THADA: variants seen among roughly 807,000 people sequenced by gnomAD.
THADA encodes the protein tRNA (32-2'-O)-methyltransferase regulator THADA.
A neutral mutation model predicts 219.8 loss-of-function variants in THADA; 213 were observed. That is an observed-to-expected ratio of 0.97 (90% CI 0.87 to 1.09). The LOEUF (loss-of-function observed/expected upper bound fraction) is 1.09. Among genes scored for constraint, THADA ranks in the 50% least tolerant of loss-of-function variants. The pLI is 0.00. For synonymous variants in THADA, 1,018 were observed against 828.9 expected, an observed-to-expected ratio of 1.23 and a Z score of -3.92; for missense variants, 2,956 against 2,311.3, an observed-to-expected ratio of 1.28 and a Z score of -5.72.
intron 22 of THADA, among the ~76,000 whole-genome samples, chr2:43,520,900 A>AAAAG (rs1692343743): frequency 7.2e-6 from 1 of 139,148 alleles, no homozygotes; most frequent in Non-Finnish European, 1.6e-5. Flanking sequence ...AAATTCTTAA[A>AAAAG]GAAGGAGGGA....
intron 36 of THADA, among the ~76,000 whole-genome samples, chr2:43,262,750 C>A (rs1009125898): frequency 2.6e-5 from 4 of 152,288 alleles, no homozygotes; most frequent in African/African-American, 9.6e-5. Context: ...AACATTAGGA[C>A]CTTGCTACTC....
chr2:43,581,419 T>G (rs1700427600), intron 8 of THADA, among the ~76,000 whole-genome samples: 1 of 151,682 alleles, frequency 6.6e-6, no homozygotes, highest in Non-Finnish European at 1.5e-5. Flanking sequence ...TAATCCCAGC[T>G]ACTCAGAAGC....
rs1256972360 is a variant in THADA at position 43,369,511 on chromosome 2, T to C, written c.4228-25274A>G. On this transcript the variant is annotated intron_variant, in intron 29 of 37. Coordinates refer to ENST00000405975, the MANE Select transcript of THADA (RefSeq NM_022065.5). ...TCTAAAAACAATAACTTATCTCTTA[T>C]ATTAACTAGGTTTTGTACATTACGT... Among the ~76,000 whole-genome samples the C allele has an allele frequency of 5.9e-5, 9 of 152,348 alleles. No homozygotes were observed. In the East Asian group the frequency reaches 1.2e-3, roughly 20 times the overall value.
At position 43,582,387 on chromosome 2, in the gene THADA, C is replaced by T. The variant is rs1700551384; in HGVS notation, c.534-459G>A. ...TGGCACATGCCCGTAATCCCAGCTACTCAGGGGGCTGAGGCAGGAGAATCG... is the reference window on the plus strand; with the variant it reads ...TGGCACATGCCCGTAATCCCAGCTATTCAGGGGGCTGAGGCAGGAGAATCG... On this transcript the variant is annotated intron_variant, in intron 7 of 37. Transcript: ENST00000405975. Among the ~76,000 whole-genome samples, 4 of 151,656 alleles carry T rather than the reference C, an allele frequency of 2.6e-5. No individual in the cohort carries two copies. The South Asian group carries it at 6.3e-4, about 24-fold the overall frequency.
intron 26 of THADA, among the ~76,000 whole-genome samples, chr2:43,465,446 T>C (rs1684122368): frequency 6.6e-6 from 1 of 152,202 alleles, no homozygotes; most frequent in African/African-American, 2.4e-5. Context: ...GAGCGTGGGT[T>C]AAGTGCCTCC....
chr2:43,555,396 GTATATA>G (rs371073432), intron 17 of THADA, among the ~76,000 whole-genome samples: 2 of 148,554 alleles, frequency 1.3e-5, no homozygotes, highest in Non-Finnish European at 3.0e-5. Context: ...TATATTACAT[GTATATA>G]TATATATATG....
At chr2:43,418,799 C>T (rs371210067) in intron 28 of THADA, among the ~76,000 whole-genome samples, 112 of 152,154 alleles carry the variant, frequency 7.4e-4, no homozygotes, top group Non-Finnish European at 1.3e-3. Context: ...ATAGAAATAA[C>T]GGCCAGAGAA....
intron 30 of THADA, 91 bp from the exon 31 acceptor site, chr2:43,320,631 T>C: frequency 1.0e-5 from 9 of 861,476 alleles, no homozygotes; most frequent in Non-Finnish European, 1.6e-5. Context: ...TTCTATGGTA[T>C]ATGATGGGGC....
chr2:43,385,926 T>C (rs2104673082), intron 29 of THADA, among the ~76,000 whole-genome samples: 1 of 151,906 alleles, frequency 6.6e-6, no homozygotes, highest in Admixed American at 6.6e-5. Flanking sequence ...GAAATATGAT[T>C]CTCAGGAAGC....
intron 11 of THADA, among the ~76,000 whole-genome samples, 192 bp downstream of exon 11, chr2:43,574,144 G>A (rs1454047941): frequency 6.6e-6 from 1 of 152,088 alleles, no homozygotes; most frequent in African/African-American, 2.4e-5. Flanking sequence ...TTGTAGAAAT[G>A]ACTTCAGCCA....
chr2:43,319,911 CAAATCATGATTAAAAT>C, intron 31 of THADA, among the ~76,000 whole-genome samples: 1 of 152,270 alleles, frequency 6.6e-6, no homozygotes, highest in East Asian at 1.9e-4. Context: ...AACCACTTTG[CAAATCATGATTAAAAT>C]AGAGCAACTG....
intron 1 of THADA, chr2:43,592,847 A>G (rs1701718657): frequency 6.5e-6 from 1 of 152,960 alleles, no homozygotes; most frequent in Non-Finnish European, 1.5e-5. Context: ...AACTAACCTC[A>G]GTGACTCATT....
chr2:43,350,127 CAT>C (rs1300373014), intron 29 of THADA, among the ~76,000 whole-genome samples: 4 of 152,108 alleles, frequency 2.6e-5, no homozygotes, highest in Non-Finnish European at 4.4e-5. Flanking sequence ...AACAGGCAAA[CAT>C]TGTTTCAGCC....
chr2:43,556,891 CA>C lies in THADA; in HGVS notation c.2464-337del, dbSNP rs994786322. On this transcript the variant is annotated intron_variant, in intron 16 of 37. Coordinates refer to ENST00000405975, the MANE Select transcript of THADA (RefSeq NM_022065.5). ...GACCAGCCTGGGCAACACGGTGAGACAAAAAACTTACTCTACAAAAACTCTA... is the reference window on the plus strand; with the variant it reads ...GACCAGCCTGGGCAACACGGTGAGACAAAAACTTACTCTACAAAAACTCTA... Among the ~76,000 whole-genome samples, 12 of 152,178 alleles carry C rather than the reference CA, an allele frequency of 7.9e-5. No individual in the cohort carries two copies. In the East Asian group the frequency reaches 2.3e-3, roughly 29 times the overall value.
rs1573069707 is a variant in THADA at position 43,324,437 on chromosome 2, A to G, written c.4344-3897T>C. Among the ~76,000 whole-genome samples, 6 of 152,226 alleles carry G rather than the reference A, an allele frequency of 3.9e-5. No homozygotes were observed. In the South Asian group the frequency reaches 1.2e-3, roughly 32 times the overall value. On this transcript the variant is annotated intron_variant, in intron 30 of 37. Transcript: ENST00000405975. The stretch of plus-strand genomic sequence containing the variant: ...ATGCTGCTGCTTTGGATTCCAGGAA[A>G]CAGAAGATTTGGGGCCACAAAGGAG...
At chr2:43,394,839 G>A (rs533607047) in intron 29 of THADA, among the ~76,000 whole-genome samples, 1 of 152,178 alleles carries the variant, frequency 6.6e-6, no homozygotes, top group Non-Finnish European at 1.5e-5. Context: ...ACATGAATAT[G>A]ATACCCAACA....
At chr2:43,576,117 A>G (rs995186795) in intron 10 of THADA, among the ~76,000 whole-genome samples, 2 of 152,228 alleles carry the variant, frequency 1.3e-5, no homozygotes, top group African/African-American at 4.8e-5. Context: ...AGCAAAGAGA[A>G]TATTAAAAAT....
intron 29 of THADA, among the ~76,000 whole-genome samples, chr2:43,352,249 G>T (rs1668358796): frequency 6.6e-6 from 1 of 152,166 alleles, no homozygotes; most frequent in African/African-American, 2.4e-5. Flanking sequence ...AACTCTTAAT[G>T]TAGTAAAACT....
chr2:43,501,858 A>G (rs1355386092), intron 24 of THADA, among the ~76,000 whole-genome samples: 1 of 152,110 alleles, frequency 6.6e-6, no homozygotes, highest in African/African-American at 2.4e-5. Flanking sequence ...GTGGGAGAAT[A>G]GCTTGAACCC....
Sources: allele counts gnomAD v4.1 joint callset (sites outside exome capture counted in the v4.1 genomes callset), GRCh38; gene constraint gnomAD v4.1.1; transcripts MANE v1.5; gene names NCBI Gene and HGNC (gene_info 2026-07-23, HGNC 2026-07-21).